VPS35L: variants seen among roughly 807,000 people sequenced by gnomAD.
VPS35L encodes VPS35 endosomal protein sorting factor like, also known as VPS35 endosomal protein-sorting factor-like.
VPS35L carries 83 observed loss-of-function variants against 133.0 expected under a neutral mutation model. The observed-to-expected ratio is 0.62, with a 90% CI of 0.52 to 0.75. The LOEUF (loss-of-function observed/expected upper bound fraction) is 0.75, where lower values mean the gene tolerates loss of function less well. Among genes scored for constraint, VPS35L ranks in the 30% least tolerant of loss-of-function variants. The pLI is 0.00. For missense variants in VPS35L, 1,083 were observed against 1,206.8 expected, an observed-to-expected ratio of 0.90 and a Z score of 1.52; for synonymous variants, 423 against 449.9, an observed-to-expected ratio of 0.94 and a Z score of 0.76.
chr16:19,626,448 A>T (rs1404822300), intron 15 of VPS35L, among the ~76,000 whole-genome samples: 4 of 152,116 alleles, frequency 2.6e-5, no homozygotes, highest in Non-Finnish European at 4.4e-5. Context: ...CTGTCTCTTC[A>T]TCTGTAAAAC....
At chr16:19,637,212 A>T (rs1307855575) in intron 19 of VPS35L, among the ~76,000 whole-genome samples, 1 of 152,230 alleles carries the variant, frequency 6.6e-6, no homozygotes, top group Non-Finnish European at 1.5e-5. Flanking sequence ...GAATAACAAT[A>T]GCTGACATTA....
At chr16:19,682,194 A>G (rs778349392) in intron 27 of VPS35L, 31 bp from the exon 28 acceptor site, 6 of 1,597,060 alleles carry the variant, frequency 3.8e-6, no homozygotes, top group Non-Finnish European at 4.3e-6. Flanking sequence ...CATCTTTGGG[A>G]TTATTTATCC....
chr16:19,642,319 G>C, intron 21 of VPS35L, 77 bp from the exon 22 acceptor site: 2 of 1,290,620 alleles, frequency 1.5e-6, no homozygotes, highest in South Asian at 1.3e-5. Flanking sequence ...AGTGTGTACA[G>C]TGGATGAAAA....
At chr16:19,586,494 C>CA in intron 7 of VPS35L, among the ~76,000 whole-genome samples, 1 of 152,150 alleles carries the variant, frequency 6.6e-6, no homozygotes, top group Non-Finnish European at 1.5e-5. Context: ...AGCCTGCTAT[C>CA]ACGCCCAGCT....
At chr16:19,615,553 G>A (rs1000134520) in intron 12 of VPS35L, among the ~76,000 whole-genome samples, 3 of 152,156 alleles carry the variant, frequency 2.0e-5, no homozygotes, top group African/African-American at 7.2e-5. Flanking sequence ...GGGAGGCTGA[G>A]GCAGGAGAAT....
At chr16:19,675,231 G>A (rs1975024155) in intron 27 of VPS35L, among the ~76,000 whole-genome samples, 1 of 149,686 alleles carries the variant, frequency 6.7e-6, no homozygotes, top group South Asian at 2.1e-4. Context: ...TGTTACAGGT[G>A]TGAGTCACTG....
Position 19,564,943 on chromosome 16 carries a change from C to T in VPS35L, c.110C>T (p.Pro37Leu). 1.2e-6 allele frequency: 2 copies of T among 1,604,536 alleles called. No individual in the cohort carries two copies. The highest frequency in any genetic ancestry group is 8.5e-7 in the Non-Finnish European group (1 of 1,171,606). Reference sequence around the variant, plus strand: ...TTTGGGGACTATCACCCTCTGAAACCCATAACTGTAAGTTTTGTTAAGGGT... The same window carrying T: ...TTTGGGGACTATCACCCTCTGAAACTCATAACTGTAAGTTTTGTTAAGGGT... ...LEFGDYHPLK[P>L]ITVTESKTKK... is the part of the protein sequence containing the mutation. Residue 37 changes from proline to leucine, a missense_variant, in exon 2 of 31, where the codon CCC becomes CTC. Transcript: ENST00000417362.
chr16:19,640,186 G>C, intron 21 of VPS35L, 86 bp downstream of exon 21: 1 of 1,238,312 alleles, frequency 8.1e-7, no homozygotes, highest in Non-Finnish European at 1.2e-6. Flanking sequence ...TGCACTTTGA[G>C]GCCGAGTGAT....
chr16:19,674,725 C>A (rs987358958), intron 27 of VPS35L, among the ~76,000 whole-genome samples: 4 of 151,992 alleles, frequency 2.6e-5, no homozygotes, highest in African/African-American at 9.7e-5. Context: ...ATTCCCCTAC[C>A]CCCACCCCCT....
rs183039856 is a variant in VPS35L at position 19,649,291 on chromosome 16, A to G, written c.2029-1091A>G. ...CAGGCATAAACATCAAGCCCTGCCA[A>G]TTTTTTTCTTAACCATAATTAGTAA... On this transcript the variant is annotated intron_variant, in intron 24 of 30. Coordinates refer to ENST00000417362, the MANE Select transcript of VPS35L (RefSeq NM_020314.7). Among the ~76,000 whole-genome samples the G allele has an allele frequency of 4.4e-3, 670 of 152,134 alleles. 1 individual carries two copies. Among genetic ancestry groups the G allele is most frequent in the Non-Finnish European group, 6.9e-3 (467 of 68,002 alleles).
At chr16:19,645,727 T>C (rs1361516018) in intron 23 of VPS35L, among the ~76,000 whole-genome samples, 1 of 151,874 alleles carries the variant, frequency 6.6e-6, no homozygotes, top group Non-Finnish European at 1.5e-5. Flanking sequence ...TGGGATTGAG[T>C]CTCTTTGGAT....
chr16:19,598,117 G>A (rs1278849116), intron 8 of VPS35L, among the ~76,000 whole-genome samples: 1 of 152,166 alleles, frequency 6.6e-6, no homozygotes, highest in Non-Finnish European at 1.5e-5. Context: ...TTTCAGGGTT[G>A]TGTGAACTTG....
chr16:19,635,495 A>G (rs1973596408), intron 19 of VPS35L, among the ~76,000 whole-genome samples: 1 of 152,250 alleles, frequency 6.6e-6, no homozygotes, highest in South Asian at 2.1e-4. Flanking sequence ...TGCAGTGCGC[A>G]ATCTCAGACT....
At chr16:19,645,580 C>G (rs550671430) in intron 23 of VPS35L, among the ~76,000 whole-genome samples, 98 of 152,340 alleles carry the variant, frequency 6.4e-4, no homozygotes, top group African/African-American at 2.3e-3. Flanking sequence ...TGAGCCACTG[C>G]ACCCAGCCCC....
chr16:19,653,384 T>G (rs1974195969), intron 26 of VPS35L, among the ~76,000 whole-genome samples: 1 of 152,196 alleles, frequency 6.6e-6, no homozygotes, highest in Non-Finnish European at 1.5e-5. Flanking sequence ...TGGCAAGCCC[T>G]TTGCACAAGT....
rs754601372 is a variant in VPS35L, at chr16:19,642,413, C to T, written c.1802C>T (p.Thr601Ile). The T allele has an allele frequency of 1.9e-6, 3 of 1,613,718 alleles. No individual in the cohort carries two copies. Among genetic ancestry groups the T allele is most frequent in the African/African-American group, 2.7e-5 (2 of 74,896 alleles). The change falls in exon 22 of 31, where the codon ACC becomes ATC. Residue 601 changes from threonine to isoleucine, a missense_variant. Coordinates refer to ENST00000417362, the MANE Select transcript of VPS35L (RefSeq NM_020314.7). Reference sequence around the variant, plus strand: ...TCTCCTAGGCATCAACAAGAGCCCACCAAGGACCCGGTCATCTTGAATGCC... The same window carrying T: ...TCTCCTAGGCATCAACAAGAGCCCATCAAGGACCCGGTCATCTTGAATGCC... ...DAFIKHQQEPTKDPVILNALL... is the reference protein window; with the variant it reads ...DAFIKHQQEPIKDPVILNALL...
At chr16:19,693,537 T>G (rs1371576403) in intron 29 of VPS35L, among the ~76,000 whole-genome samples, 3 of 151,912 alleles carry the variant, frequency 2.0e-5, no homozygotes, top group Admixed American at 6.6e-5. Context: ...TCCCAGCACT[T>G]TGGGAGGCTG....
rs918784427 is a variant in VPS35L, at chr16:19,662,999, T to A, written c.2222-6161T>A. Among the ~76,000 whole-genome samples the A allele has an allele frequency of 2.6e-3, 348 of 135,538 alleles. 3 individuals are homozygous for A. The highest frequency in any genetic ancestry group is 0.013 in the Middle Eastern group (3 of 236). The allele number at this position is 135,538 out of a possible 152,430, so 88.9% of individuals were successfully genotyped here. Reference sequence around the variant, plus strand: ...GCAAGACTCTGCCTCAAAAAAAAAATAATAATAATTATAATGATAATAATA... The same window carrying A: ...GCAAGACTCTGCCTCAAAAAAAAAAAAATAATAATTATAATGATAATAATA... On this transcript the variant is annotated intron_variant, in intron 26 of 30. Coordinates refer to ENST00000417362, the MANE Select transcript of VPS35L (RefSeq NM_020314.7).
At chr16:19,625,949 T>C (rs999487614) in intron 14 of VPS35L, among the ~76,000 whole-genome samples, 11 of 152,124 alleles carry the variant, frequency 7.2e-5, no homozygotes, top group Non-Finnish European at 1.2e-4. Context: ...GCTAGAATTA[T>C]AGGTGCGAGC....
Sources: allele counts gnomAD v4.1 joint callset (sites outside exome capture counted in the v4.1 genomes callset), GRCh38; gene constraint gnomAD v4.1.1; transcripts MANE v1.5; gene names NCBI Gene and HGNC (gene_info 2026-07-23, HGNC 2026-07-21).